GPR137: variants seen among roughly 807,000 people sequenced by gnomAD.
GPR137 encodes the protein integral membrane protein GPR137.
In GPR137, 20 loss-of-function variants were observed where a neutral mutation model predicts 38.9. That is an observed-to-expected ratio of 0.51 (90% CI 0.36 to 0.75). The LOEUF is 0.75. Among genes scored for constraint, GPR137 ranks in the 30% least tolerant of loss-of-function variants. The pLI is 0.00. For missense variants in GPR137, 456 were observed against 526.4 expected (o/e 0.87, Z 1.31); for synonymous variants, 226 against 235.8 (o/e 0.96, Z 0.38).
At position 64,286,492 on chromosome 11, in the gene GPR137, T is replaced by C. The variant is rs760466238; in HGVS notation, c.-33T>C. The stretch of plus-strand genomic sequence containing the variant: ...TGGTCCCGCCGACAGTCCCTCCTTG[T>C]CTGTCTCCGGGATTCAGGCCTCCCT... On this transcript the variant is annotated 5_prime_UTR_variant, in exon 1 of 7. Transcript: ENST00000438980. 2 of 1,585,282 alleles carry C rather than the reference T, an allele frequency of 1.3e-6. No homozygotes were observed. The highest frequency in any genetic ancestry group is 2.7e-5 in the African/African-American group (2 of 74,536).
At chr11:64,271,713 A>G, upstream of GPR137, 1 of 1,473,762 alleles carries the variant, frequency 6.8e-7, no homozygotes, top group Non-Finnish European at 9.0e-7. Context: ...GCGGCCCCGA[A>G]AGGGGCTGGG....
intron 2 of GPR137, among the ~76,000 whole-genome samples, chr11:64,277,457 C>T (rs78624926): frequency 0.039 from 5,955 of 152,228 alleles, 159 homozygotes; most frequent in Non-Finnish European, 0.059. Context: ...TAAAAAACAG[C>T]GACAGGGTCT....
At chr11:64,284,685 C>T (rs558907072), upstream of GPR137, 17 of 1,535,816 alleles carry the variant, frequency 1.1e-5, no homozygotes, top group South Asian at 2.0e-4. Flanking sequence ...CTCCAGCACC[C>T]CGGGCTCCGG....
chr11:64,288,528 G>T lies in GPR137; in HGVS notation c.912+60G>T, dbSNP rs190138662. On this transcript the variant is annotated intron_variant, in intron 5 of 6. Transcript: ENST00000438980. This position sits in a 1 kb window ranked among gnomAD's most constrained non-coding sequence, Gnocchi z 5.5. ...GAGGGGGCGGATGTTGCAAATCCTG[G>T]GTTGGAGTCTGGGGTTGGGCCTGGG... 8.1e-6 allele frequency: 13 copies of T among 1,613,300 alleles called. No individual in the cohort carries two copies. The highest frequency in any genetic ancestry group is 1.3e-5 in the African/African-American group (1 of 75,036).
At chr11:64,276,286 GTGTGTATATATT>G (rs911703325) in intron 1 of GPR137, 1 of 113,816 alleles carries the variant, frequency 8.8e-6, no homozygotes, top group Non-Finnish European at 2.0e-5. Context: ...ATGTGTGTGT[GTGTGTATATATT>G]TGTGTGTGTG....
Position 64,288,441 on chromosome 11 carries a change from C to G in GPR137, c.885C>G (p.Phe295Leu), listed in dbSNP as rs778377469. 1.2e-6 allele frequency: 2 copies of G among 1,613,512 alleles called. No individual in the cohort carries two copies. Among genetic ancestry groups the G allele is most frequent in the Non-Finnish European group, 1.7e-6 (2 of 1,179,958 alleles). The change falls in exon 5 of 7, where the codon TTC (phenylalanine) becomes TTG (leucine). Residue 295 changes from phenylalanine (F) to leucine (L), a missense_variant. By Grantham distance (22) the Phe-to-Leu change is conservative. Coordinates refer to ENST00000438980, the MANE Select transcript of GPR137 (RefSeq NM_001170880.2). The surrounding 1 kb of genome is among the most constrained non-coding windows in gnomAD (Gnocchi z 5.5). ...LLPTTLLVGF[F>L]RVHRPPQDLS... ...CCACCACCCTGCTGGTGGGCTTCTT[C>G]CGGGTGCACCGGCCCCCACAGGACC...
upstream of GPR137, among the ~76,000 whole-genome samples, chr11:64,282,714 A>G (rs942761297): frequency 4.0e-5 from 6 of 151,320 alleles, no homozygotes; most frequent in Admixed American, 3.3e-4. Context: ...CCCATCTCTA[A>G]TAAAAATACA....
intron 3 of GPR137, 50 bp downstream of exon 3, chr11:64,287,996 G>T: frequency 6.2e-7 from 1 of 1,602,248 alleles, no homozygotes. Context: ...TCTCGGCAGC[G>T]GTTCTCAGGG....
upstream of GPR137, chr11:64,285,682 C>CCCG: frequency 1.0e-6 from 1 of 985,152 alleles, no homozygotes; most frequent in Non-Finnish European, 1.2e-6. Flanking sequence ...AACTCGGCCG[C>CCCG]CCTCCTGCCG....
chr11:64,287,404 C>A, intron 2 of GPR137: 1 of 790,734 alleles, frequency 1.3e-6, no homozygotes, highest in South Asian at 5.7e-5. Flanking sequence ...TGTACAATTT[C>A]CCTGAGAGGC....
At chr11:64,284,379 G>A, upstream of GPR137, 1 of 1,612,544 alleles carries the variant, frequency 6.2e-7, no homozygotes, top group Non-Finnish European at 8.5e-7. Flanking sequence ...GCTCTGGGCT[G>A]TGAGGACAAG....
chr11:64,284,178 T>C, upstream of GPR137: 1 of 1,587,318 alleles, frequency 6.3e-7, no homozygotes, highest in Non-Finnish European at 8.6e-7. Flanking sequence ...GGTGGGGTAC[T>C]TACCTCCATG....
At chr11:64,287,423 T>C in intron 2 of GPR137, 1 of 722,104 alleles carries the variant, frequency 1.4e-6, no homozygotes, top group Non-Finnish European at 1.7e-6. Context: ...GCTACTATCC[T>C]CCCTTGAGAG....
chr11:64,285,054 A>G, upstream of GPR137: 1 of 1,111,908 alleles, frequency 9.0e-7, no homozygotes, highest in Non-Finnish European at 1.1e-6. Flanking sequence ...TTGTGAAGGG[A>G]GTGATTACTG....
At chr11:64,285,522 A>T (rs2033866116), upstream of GPR137, 2 of 985,036 alleles carry the variant, frequency 2.0e-6, no homozygotes, top group Admixed American at 6.2e-5. Context: ...GAGGGACGGG[A>T]ATCCGTTGCC....
chr11:64,289,206 C>G lies in GPR137; in HGVS notation c.*10C>G. 6.2e-7 allele frequency: 1 copy of G among 1,611,292 alleles called. No individual in the cohort carries two copies. Among genetic ancestry groups the G allele is most frequent in the East Asian group, 2.2e-5 (1 of 44,880 alleles). ...CACCCCACAGACGTGATCCCCCTCC[C>G]TCCCCCACAGAATACCCAGGCCCCA... is the stretch of plus-strand genomic sequence containing the variant. On this transcript the variant is annotated 3_prime_UTR_variant, in exon 7 of 7. Transcript: ENST00000438980.
At position 64,287,940 on chromosome 11, in the gene GPR137, G is replaced by A; in HGVS notation, c.627G>A (p.Glu209=). The change falls in exon 3 of 7, where the codon GAG becomes GAA. Residue 209 remains glutamate, a synonymous_variant. Transcript: ENST00000438980. The part of the protein sequence containing the change: ...RRAPSTSIYL[E]AKGTSVCQAA... ...CGCCCTCCACTAGCATCTACCTGGA[G>A]GCCAAGGTAGGGCTGCAGCACTGAT... 1 of 1,601,420 alleles carries A rather than the reference G, an allele frequency of 6.2e-7. No homozygotes were observed. The highest frequency in any genetic ancestry group is 8.5e-7 in the Non-Finnish European group (1 of 1,179,886).
chr11:64,287,598 AGGAACAGG>A, intron 2 of GPR137, 115 bp from the exon 3 acceptor site: 1 of 1,519,034 alleles, frequency 6.6e-7, no homozygotes, highest in Non-Finnish European at 8.8e-7. Context: ...GTAAGAGTGG[AGGAACAGG>A]GCTCAGACTG....
At chr11:64,284,705 G>A (rs1253352410), upstream of GPR137, 3 of 1,535,858 alleles carry the variant, frequency 2.0e-6, no homozygotes, top group Non-Finnish European at 8.7e-7. Context: ...GGCCCTAGTT[G>A]CTTGGGCAAC....
Sources: allele counts gnomAD v4.1 joint callset (sites outside exome capture counted in the v4.1 genomes callset), GRCh38; gene constraint gnomAD v4.1.1; non-coding constraint Gnocchi (gnomAD v3.1); transcripts MANE v1.5; gene names NCBI Gene and HGNC (gene_info 2026-07-23, HGNC 2026-07-21).